The following NCAM2 variants were observed in gnomAD, a reference collection of about 807,000 sequenced individuals.
NCAM2 encodes the protein N-CAM-2.
In NCAM2, 30 loss-of-function variants were observed where a neutral mutation model predicts 98.1. The ratio of observed to expected loss-of-function variants is 0.31; its 90% CI spans 0.23 to 0.41. NCAM2 has a LOEUF of 0.41. NCAM2 is among the 10% of genes least tolerant of loss of function. NCAM2 has a pLI of 1.00. For missense variants in NCAM2, 867 were observed against 1,005.8 expected (o/e 0.86, Z 1.87); for synonymous variants, 368 against 342.4 (o/e 1.07, Z -0.83).
chr21:21,007,775 A>C (rs1041626834), intron 1 of NCAM2, among the ~76,000 whole-genome samples: 1 of 152,214 alleles, frequency 6.6e-6, no homozygotes, highest in Admixed American at 6.5e-5. Context: ...CTGTTTTATC[A>C]GCAAGGTCTT....
intron 8 of NCAM2, among the ~76,000 whole-genome samples, chr21:21,357,904 CAAT>C (rs1351317796): frequency 6.6e-6 from 1 of 152,014 alleles, no homozygotes; most frequent in South Asian, 2.1e-4. Flanking sequence ...ATTGAAGGAA[CAAT>C]AATATGTTTG....
intron 8 of NCAM2, among the ~76,000 whole-genome samples, chr21:21,365,238 C>CGTGTGTGTGTGTGTGTGTGTGTGT (rs66559489): frequency 1.4e-5 from 2 of 146,902 alleles, no homozygotes; most frequent in Non-Finnish European, 3.0e-5. Context: ...TTGCTTAGTG[C>CGTGTGTGTGTGTGTGTGTGTGTGT]GTGTGTGTGT....
intron 16 of NCAM2, 35 bp from the exon 17 acceptor site, chr21:21,534,502 T>C (rs1297667303): frequency 6.8e-7 from 1 of 1,461,538 alleles, no homozygotes; most frequent in African/African-American, 1.4e-5. Context: ...CATTTTTAAA[T>C]TACACAGGTG....
chr21:21,263,255 A>G (rs915812661), intron 1 of NCAM2, among the ~76,000 whole-genome samples: 2 of 152,060 alleles, frequency 1.3e-5, no homozygotes, highest in Non-Finnish European at 2.9e-5. Context: ...TTTATTTACA[A>G]CTGCCACAAA....
chr21:21,018,548 AT>A (rs1298453894), intron 1 of NCAM2, among the ~76,000 whole-genome samples: 20 of 152,250 alleles, frequency 1.3e-4, no homozygotes, highest in Admixed American at 9.8e-4. Context: ...GTATTGGATC[AT>A]AAAATTATAG....
At chr21:21,307,244 A>G (rs964418380) in intron 5 of NCAM2, among the ~76,000 whole-genome samples, 9 of 151,950 alleles carry the variant, frequency 5.9e-5, no homozygotes, top group Admixed American at 6.6e-5. Flanking sequence ...GAATCAATTA[A>G]TTTCCTATTT....
intron 1 of NCAM2, among the ~76,000 whole-genome samples, chr21:21,220,346 T>G (rs1441981640): frequency 6.6e-6 from 1 of 152,184 alleles, no homozygotes; most frequent in Non-Finnish European, 1.5e-5. Flanking sequence ...ATCTGTTCCA[T>G]GTTTAGATAT....
intron 12 of NCAM2, among the ~76,000 whole-genome samples, chr21:21,436,466 A>G (rs1394571688): frequency 6.6e-6 from 1 of 152,230 alleles, no homozygotes; most frequent in East Asian, 1.9e-4. Context: ...TGTATTTCAG[A>G]TGTTATATTG....
intron 1 of NCAM2, among the ~76,000 whole-genome samples, chr21:21,219,763 G>A (rs1832036423): frequency 6.6e-6 from 1 of 152,178 alleles, no homozygotes; most frequent in South Asian, 2.1e-4. Flanking sequence ...AGGTATTTCA[G>A]ATGGCAGTTA....
intron 1 of NCAM2, among the ~76,000 whole-genome samples, chr21:21,252,339 G>A (rs1165011554): frequency 6.6e-6 from 1 of 150,558 alleles, no homozygotes; most frequent in Non-Finnish European, 1.5e-5. Context: ...ATCCAAATAT[G>A]CCCTTAAAAT....
At chr21:21,085,190 G>A (rs2065884034) in intron 1 of NCAM2, among the ~76,000 whole-genome samples, 2 of 140,504 alleles carry the variant, frequency 1.4e-5, no homozygotes, top group African/African-American at 2.9e-5. Flanking sequence ...CATTATTTGT[G>A]TCTAGTTGGG....
intron 12 of NCAM2, among the ~76,000 whole-genome samples, chr21:21,441,045 T>G (rs1229496330): frequency 6.6e-6 from 1 of 152,200 alleles, no homozygotes; most frequent in South Asian, 2.1e-4. Flanking sequence ...AATCAAAATT[T>G]TCAAACATAC....
chr21:21,354,843 C>A (rs2075429707), intron 8 of NCAM2, among the ~76,000 whole-genome samples: 1 of 150,300 alleles, frequency 6.7e-6, no homozygotes, highest in South Asian at 2.1e-4. Flanking sequence ...ACTAAATGTT[C>A]TTTTAGGATG....
chr21:21,024,193 A>T (rs533265572), intron 1 of NCAM2, among the ~76,000 whole-genome samples: 218 of 152,358 alleles, frequency 1.4e-3, no homozygotes, highest in Non-Finnish European at 2.5e-3. Flanking sequence ...TGATTGAAAC[A>T]ACGCAGTCAA....
At chr21:21,103,078 G>A (rs933975373) in intron 1 of NCAM2, among the ~76,000 whole-genome samples, 17 of 152,040 alleles carry the variant, frequency 1.1e-4, no homozygotes, top group African/African-American at 3.9e-4. Flanking sequence ...TTTTAAGAAA[G>A]TGACGCTAGC....
chr21:21,324,538 T>G, intron 6 of NCAM2, 38 bp downstream of exon 6: 13 of 1,336,192 alleles, frequency 9.7e-6, no homozygotes, highest in Non-Finnish European at 1.4e-5. Flanking sequence ...CTTGTGTCCA[T>G]TATCAGGCTT....
intron 1 of NCAM2, among the ~76,000 whole-genome samples, chr21:21,222,127 A>G (rs1204268156): frequency 6.6e-6 from 1 of 152,192 alleles, no homozygotes; most frequent in Non-Finnish European, 1.5e-5. Flanking sequence ...TTTTAAGCCT[A>G]CAGTTGAGAC....
intron 5 of NCAM2, among the ~76,000 whole-genome samples, chr21:21,316,315 C>T (rs894684857): frequency 2.6e-5 from 4 of 151,928 alleles, no homozygotes; most frequent in Non-Finnish European, 5.9e-5. Flanking sequence ...ATGTGCACAA[C>T]GTGTAGGTTT....
At chr21:21,113,741 A>G (rs933201012) in intron 1 of NCAM2, among the ~76,000 whole-genome samples, 11 of 152,152 alleles carry the variant, frequency 7.2e-5, no homozygotes, top group Non-Finnish European at 1.6e-4. Flanking sequence ...AAATAGAACT[A>G]TTTTGTATTG....
Sources: allele counts gnomAD v4.1 joint callset (sites outside exome capture counted in the v4.1 genomes callset), GRCh38; gene constraint gnomAD v4.1.1; transcripts MANE v1.5; gene names NCBI Gene and HGNC (gene_info 2026-07-23, HGNC 2026-07-21).